DLGAP1: variants seen among roughly 807,000 people sequenced by gnomAD.
DLGAP1 encodes DLG associated protein 1, also known as disks large-associated protein 1.
A neutral mutation model predicts 90.8 loss-of-function variants in DLGAP1; 11 were observed. That is an observed-to-expected ratio of 0.12 (90% CI 0.08 to 0.20). The LOEUF is 0.20. DLGAP1 is among the 10% of genes least tolerant of loss of function. The pLI, the probability that DLGAP1 is intolerant of heterozygous loss-of-function variation, is 1.00. For synonymous variants in DLGAP1, 558 were observed against 540.7 expected, an observed-to-expected ratio of 1.03 and a Z score of -0.44; for missense variants, 1,050 against 1,333.8, an observed-to-expected ratio of 0.79 and a Z score of 3.31.
intron 9 of DLGAP1, among the ~76,000 whole-genome samples, chr18:3,537,855 A>G (rs2052464446): frequency 6.6e-6 from 1 of 152,182 alleles, no homozygotes; most frequent in South Asian, 2.1e-4. Flanking sequence ...TTCTTTGAGT[A>G]GCTCATGATT....
intron 7 of DLGAP1, among the ~76,000 whole-genome samples, chr18:3,648,769 G>C (rs1391126723): frequency 6.6e-6 from 1 of 152,158 alleles, no homozygotes; most frequent in African/African-American, 2.4e-5. Context: ...CAAATACACA[G>C]ACATTGAAAC....
chr18:3,511,303 GTTTTA>G (rs1208719816), intron 10 of DLGAP1, among the ~76,000 whole-genome samples: 27 of 73,972 alleles, frequency 3.7e-4, no homozygotes, highest in South Asian at 2.2e-3. Context: ...GTTTTGTTTT[GTTTTA>G]TTTTTTTTCC....
chr18:3,817,230 T>C (rs2067150837), intron 4 of DLGAP1, among the ~76,000 whole-genome samples: 1 of 152,232 alleles, frequency 6.6e-6, no homozygotes, highest in African/African-American at 2.4e-5. Flanking sequence ...GATTAGCTCA[T>C]ATGGCTTATG....
At chr18:3,507,736 GTTTTT>G (rs386386884) in intron 11 of DLGAP1, among the ~76,000 whole-genome samples, 1 of 89,964 alleles carries the variant, frequency 1.1e-5, no homozygotes, top group Non-Finnish European at 2.0e-5. Flanking sequence ...ATTCTTGAAG[GTTTTT>G]TTTTTTTTTT....
In DLGAP1 at chr18:3,591,027, T is replaced by C. The variant is rs185606182; in HGVS notation, c.1592-8779A>G. On this transcript the variant is annotated intron_variant, in intron 7 of 12. Transcript: ENST00000315677. ...TGTCTTAAAAAAAAAGTCCTCTTTC[T>C]AGTAATTCTTTTTTGTTGCATTTTA... 1.2e-3 allele frequency among the ~76,000 whole-genome samples: 181 copies of C among 152,356 alleles called. 2 individuals carry two copies. Among genetic ancestry groups the C allele is most frequent in the African/African-American group, 4.0e-3 (166 of 41,584 alleles).
At chr18:4,086,755 G>T (rs115204447) in intron 2 of DLGAP1, among the ~76,000 whole-genome samples, 2,641 of 151,788 alleles carry the variant, frequency 0.017, 76 homozygotes, top group African/African-American at 0.058. Flanking sequence ...CACTTAAAAA[G>T]AATGTATATT....
chr18:3,653,560 G>T lies in DLGAP1; in HGVS notation c.1592-71312C>A, dbSNP rs1328048247. 2.0e-5 allele frequency: 3 copies of T among 152,086 alleles called. No individual in the cohort carries two copies. Among genetic ancestry groups the T allele is most frequent in the Admixed American group, 2.0e-4 (3 of 15,268 alleles). The allele number at this position is 152,086 out of a possible 1,614,324, so 9.4% of individuals were successfully genotyped here. ...AAGCTGCTATGAAGCTGCACAGTGC[G>T]GAAGAGGGCACCCCTGCTCCAGAAA... is the stretch of plus-strand genomic sequence containing the variant. On this transcript the variant is annotated intron_variant, in intron 7 of 12. Coordinates refer to ENST00000315677, the MANE Select transcript of DLGAP1 (RefSeq NM_004746.4). The surrounding 1 kb of genome is among the most constrained non-coding windows in gnomAD (Gnocchi z 4.6).
chr18:3,498,387 T>G lies in DLGAP1; in HGVS notation c.*798A>C, dbSNP rs374230074. The G allele has an allele frequency of 6.6e-6, 1 of 152,248 alleles. No homozygotes were observed. Among genetic ancestry groups the G allele is most frequent in the Admixed American group, 6.5e-5 (1 of 15,282 alleles). 9.4% of individuals were successfully genotyped at this position (152,248 alleles called of 1,614,324 possible). On this transcript the variant is annotated 3_prime_UTR_variant, in exon 13 of 13. Coordinates refer to ENST00000315677, the MANE Select transcript of DLGAP1 (RefSeq NM_004746.4). ...CTTATGTAGTATACTAAACCATCAG[T>G]GCCTCCTTTGCCTTGCTTCATGTTA...
intron 1 of DLGAP1, among the ~76,000 whole-genome samples, chr18:4,303,820 A>C (rs1366612183): frequency 2.6e-5 from 4 of 152,220 alleles, no homozygotes. Flanking sequence ...TATTAGAAGA[A>C]GGAGAAATGC....
chr18:3,523,661 C>T lies in DLGAP1; in HGVS notation c.2479+10533G>A, dbSNP rs546245717. Among the ~76,000 whole-genome samples, 152 of 151,996 alleles carry T rather than the reference C, an allele frequency of 1.0e-3. 3 individuals carry two copies. In the Middle Eastern group the frequency reaches 0.014, roughly 14 times the overall value. The stretch of plus-strand genomic sequence containing the variant: ...AGGAGATCGAGACCATCCTGGCTAA[C>T]ACGGTGAAACCCCGTCTCTACTAAA... On this transcript the variant is annotated intron_variant, in intron 10 of 12. Transcript: ENST00000315677.
At chr18:4,233,117 T>C (rs750952110) in intron 1 of DLGAP1, among the ~76,000 whole-genome samples, 3 of 152,362 alleles carry the variant, frequency 2.0e-5, no homozygotes, top group African/African-American at 7.2e-5. Context: ...CTTCCCCTCA[T>C]GTTAACATTC....
chr18:3,883,581 G>A (rs1232251130), intron 3 of DLGAP1, among the ~76,000 whole-genome samples: 1 of 152,238 alleles, frequency 6.6e-6, no homozygotes, highest in Non-Finnish European at 1.5e-5. Flanking sequence ...TATCCTAGTG[G>A]ATAGTGGGAA....
At chr18:4,132,035 C>G (rs1431375725) in intron 2 of DLGAP1, among the ~76,000 whole-genome samples, 1 of 150,362 alleles carries the variant, frequency 6.7e-6, no homozygotes, top group South Asian at 2.1e-4. Context: ...TTTTTTTTTT[C>G]CTGGCTTAAC....
At chr18:3,686,598 AT>A (rs1457753320) in intron 7 of DLGAP1, among the ~76,000 whole-genome samples, 1 of 150,924 alleles carries the variant, frequency 6.6e-6, no homozygotes, top group East Asian at 1.9e-4. Context: ...CATTTTCACT[AT>A]TGAACAAGAG....
rs775872647 is a variant in DLGAP1 at position 3,818,201 on chromosome 18, T to C, written c.958-3928A>G. Among the ~76,000 whole-genome samples the C allele has an allele frequency of 1.1e-4, 17 of 152,300 alleles. 1 individual carries two copies. In the Middle Eastern group the frequency reaches 0.017, roughly 152 times the overall value. ...TTTGATGAAACAAAATGAGGATTAG[T>C]GTGCATTGTCTATTTCAGTGGTAGC... On this transcript the variant is annotated intron_variant, in intron 4 of 12. Transcript: ENST00000315677.
intron 1 of DLGAP1, among the ~76,000 whole-genome samples, chr18:4,321,849 A>G (rs983757250): frequency 2.0e-5 from 3 of 152,176 alleles, no homozygotes; most frequent in African/African-American, 7.2e-5. Context: ...ATGAGGCCAG[A>G]TGTTGTCTCA....
chr18:4,183,803 C>T (rs9963623), intron 1 of DLGAP1, among the ~76,000 whole-genome samples: 27,113 of 152,086 alleles, frequency 0.18, 2,976 homozygotes, highest in Admixed American at 0.27. Context: ...TTAATTCTCC[C>T]TCTTGGTCTA....
rs2082162941 is a variant in DLGAP1, at chr18:4,383,117, T to C, written c.-267+71889A>G. 6.6e-6 allele frequency among the ~76,000 whole-genome samples: 1 copy of C among 152,124 alleles called. No individual in the cohort carries two copies. The highest frequency in any genetic ancestry group is 6.6e-5 in the Admixed American group (1 of 15,262). On this transcript the variant is annotated intron_variant, in intron 1 of 12. Coordinates refer to ENST00000315677, the MANE Select transcript of DLGAP1 (RefSeq NM_004746.4). This position sits in a 1 kb window ranked among gnomAD's most constrained non-coding sequence, Gnocchi z 4.0. ...TTTAGCAAAGGAATCAGAGGTTAAT[T>C]ACCTTCACTCCTTTTTACAAAAGCT... is the stretch of plus-strand genomic sequence containing the variant.
intron 7 of DLGAP1, among the ~76,000 whole-genome samples, chr18:3,586,181 C>T (rs948327263): frequency 5.9e-5 from 9 of 152,102 alleles, no homozygotes; most frequent in African/African-American, 1.9e-4. Flanking sequence ...GCCCCCAACA[C>T]CCAAAGAAGA....
Sources: allele counts gnomAD v4.1 joint callset (sites outside exome capture counted in the v4.1 genomes callset), GRCh38; gene constraint gnomAD v4.1.1; non-coding constraint Gnocchi (gnomAD v3.1); transcripts MANE v1.5; gene names NCBI Gene and HGNC (gene_info 2026-07-23, HGNC 2026-07-21).